Variants in LRRK1 observed in about 807,000 individuals in gnomAD.
LRRK1 encodes the protein leucine-rich repeat serine/threonine-protein kinase 1.
LRRK1 carries 113 observed loss-of-function variants against 209.1 expected under a neutral mutation model. That is an observed-to-expected ratio of 0.54 (90% CI 0.46 to 0.63). The LOEUF (loss-of-function observed/expected upper bound fraction) is 0.63, where lower values mean the gene tolerates loss of function less well. Ranked by LOEUF, LRRK1 falls within the 30% of genes least tolerant of loss-of-function variation. LRRK1 has a pLI of 0.00. For missense variants in LRRK1, 2,284 were observed against 2,632.2 expected, an observed-to-expected ratio of 0.87 and a Z score of 2.89; for synonymous variants, 1,144 against 1,099.7, an observed-to-expected ratio of 1.04 and a Z score of -0.80.
rs1006038244 is a variant in LRRK1, at chr15:101,074,795, C to T, written c.*5947C>T. 8 of 152,106 alleles carry T rather than the reference C, an allele frequency of 5.3e-5. No individual in the cohort carries two copies. The highest frequency in any genetic ancestry group is 1.7e-4 in the African/African-American group (7 of 41,422). 9.4% of individuals were successfully genotyped at this position (152,106 alleles called of 1,614,324 possible). On this transcript the variant is annotated 3_prime_UTR_variant, in exon 34 of 34. Transcript: ENST00000388948. ...CCAGGCATTCCTCCAGAACCTCCTCCCCCAGGAGCTTGCTACAAGTGCCAG... is the reference window on the plus strand; with the variant it reads ...CCAGGCATTCCTCCAGAACCTCCTCTCCCAGGAGCTTGCTACAAGTGCCAG...
chr15:100,982,603 G>A (rs1270444183), intron 3 of LRRK1, among the ~76,000 whole-genome samples: 1 of 152,154 alleles, frequency 6.6e-6, no homozygotes, highest in South Asian at 2.1e-4. Flanking sequence ...CCTTCCTCTG[G>A]GCCACCAAGT....
intron 20 of LRRK1, among the ~76,000 whole-genome samples, chr15:101,029,854 C>T (rs1272700049): frequency 2.0e-5 from 3 of 152,088 alleles, no homozygotes; most frequent in South Asian, 4.1e-4. Flanking sequence ...GGCAACAGAG[C>T]GAGACTCCTT....
In LRRK1 at chr15:101,065,926, T is replaced by C. The variant is rs542657977; in HGVS notation, c.5489T>C (p.Ile1830Thr). Residue 1830 changes from isoleucine (I) to threonine (T), a missense_variant, in exon 32 of 34, where the codon ATC becomes ACC. Ile to Thr is a moderately conservative substitution (Grantham distance 89, BLOSUM62 -1). Coordinates refer to ENST00000388948, the MANE Select transcript of LRRK1 (RefSeq NM_024652.6). ...GAGGAGCTGGGCACGCAGATCCTGA[T>C]CCACCAGGAATCACTCACTGACTAC... is the stretch of plus-strand genomic sequence containing the variant. Reference protein sequence around the residue: ...YSEELGTQILIHQESLTDYCS... With the variant: ...YSEELGTQILTHQESLTDYCS... 5 of 1,614,114 alleles carry C rather than the reference T, an allele frequency of 3.1e-6. No homozygotes were observed. The African/African-American group carries it at 6.7e-5, about 22-fold the overall frequency.
intron 31 of LRRK1, chr15:101,064,693 G>A (rs1003420318): frequency 2.6e-5 from 4 of 152,112 alleles, no homozygotes; most frequent in African/African-American, 5.0e-5. Context: ...CCAGAAGAGG[G>A]TTGAGTAGGA....
chr15:101,043,824 A>C (rs1213416496), intron 20 of LRRK1: 2 of 152,318 alleles, frequency 1.3e-5, no homozygotes, highest in African/African-American at 4.8e-5. Flanking sequence ...ATACATGTAA[A>C]ATATTCAGAC....
chr15:101,058,030 C>G lies in LRRK1; in HGVS notation c.4568C>G (p.Pro1523Arg). Residue 1523 changes from proline (P) to arginine (R), a missense_variant, in exon 29 of 34, where the codon CCG becomes CGG. Coordinates refer to ENST00000388948, the MANE Select transcript of LRRK1 (RefSeq NM_024652.6). ...TCGGTGGTGAGCCAGATGAAGGACC[C>G]GACTTTTGCCACCTTCATGTATGAA... ...ALSVVSQMKDPTFATFMYELC... is the reference protein window; with the variant it reads ...ALSVVSQMKDRTFATFMYELC... The G allele has an allele frequency of 1.2e-6, 2 of 1,614,114 alleles. No homozygotes were observed. Among genetic ancestry groups the G allele is most frequent in the Non-Finnish European group, 1.7e-6 (2 of 1,180,026 alleles).
intron 2 of LRRK1, among the ~76,000 whole-genome samples, chr15:100,954,507 C>T (rs1488576199): frequency 6.6e-6 from 1 of 151,924 alleles, no homozygotes; most frequent in East Asian, 1.9e-4. Context: ...TGATGTAATC[C>T]CATTTGTTTA....
At chr15:100,937,717 A>C (rs1014996569) in intron 2 of LRRK1, among the ~76,000 whole-genome samples, 1 of 148,506 alleles carries the variant, frequency 6.7e-6, no homozygotes, top group African/African-American at 2.5e-5. Context: ...TTGTATTTTT[A>C]GTAGAGACGG....
In LRRK1 at chr15:101,056,948, G is replaced by A; in HGVS notation, c.4425G>A (p.Lys1475=). 6.2e-7 allele frequency: 1 copy of A among 1,614,204 alleles called. No individual in the cohort carries two copies. The change falls in exon 28 of 34, where the codon AAG becomes AAA. Residue 1475 remains lysine (K), a synonymous_variant. Coordinates refer to ENST00000388948, the MANE Select transcript of LRRK1 (RefSeq NM_024652.6). ...ACCACCAGCTCCAGATTGCCAAGAA[G>A]CTGTCCAAGGGCATCCGCCCGGTTC... ...LGHHQLQIAK[K]LSKGIRPVLG...
At position 100,984,020 on chromosome 15, in the gene LRRK1, G is replaced by A. The variant is rs966795367; in HGVS notation, c.433+321G>A. ...GAAAAAATCAATTGGAATGTACGGAGTTCCAGAATTAATGATTTGGAGGTA... is the reference window on the plus strand; with the variant it reads ...GAAAAAATCAATTGGAATGTACGGAATTCCAGAATTAATGATTTGGAGGTA... On this transcript the variant is annotated intron_variant, in intron 4 of 33. Coordinates refer to ENST00000388948, the MANE Select transcript of LRRK1 (RefSeq NM_024652.6). Among the ~76,000 whole-genome samples the A allele has an allele frequency of 2.6e-5, 4 of 152,198 alleles. No individual in the cohort carries two copies. The South Asian group carries it at 8.3e-4, about 32-fold the overall frequency.
intron 7 of LRRK1, among the ~76,000 whole-genome samples, chr15:101,009,306 A>C (rs933195742): frequency 1.3e-4 from 20 of 152,204 alleles, no homozygotes; most frequent in African/African-American, 4.8e-4. Flanking sequence ...TGCTTGCCTG[A>C]GATGCTTGTC....
At chr15:100,949,176 A>T (rs1043113592) in intron 2 of LRRK1, among the ~76,000 whole-genome samples, 1 of 152,174 alleles carries the variant, frequency 6.6e-6, no homozygotes, top group Non-Finnish European at 1.5e-5. Context: ...AATTACCAAG[A>T]TCAGGAATGA....
Position 101,074,798 on chromosome 15 carries a change from C to A in LRRK1, c.*5950C>A, listed in dbSNP as rs1160735186. ...GGCATTCCTCCAGAACCTCCTCCCC[C>A]AGGAGCTTGCTACAAGTGCCAGAAA... On this transcript the variant is annotated 3_prime_UTR_variant, in exon 34 of 34. Transcript: ENST00000388948. The A allele has an allele frequency of 1.3e-5, 2 of 152,100 alleles. No individual in the cohort carries two copies. Among genetic ancestry groups the A allele is most frequent in the East Asian group, 1.9e-4 (1 of 5,170 alleles). 9.4% of individuals were successfully genotyped at this position (152,100 alleles called of 1,614,324 possible).
chr15:101,053,619 G>A (rs898766975), intron 26 of LRRK1, among the ~76,000 whole-genome samples, 199 bp downstream of exon 26: 2 of 152,154 alleles, frequency 1.3e-5, no homozygotes, highest in Non-Finnish European at 2.9e-5. Flanking sequence ...TGGCGAGGAC[G>A]GGGGAGCGCA....
intron 6 of LRRK1, among the ~76,000 whole-genome samples, chr15:100,989,871 T>TC (rs1344608841): frequency 2.6e-5 from 4 of 152,150 alleles, no homozygotes; most frequent in African/African-American, 9.6e-5. Context: ...TTGTTTTTTT[T>TC]CTCTTTTCCT....
chr15:100,928,761 C>T (rs2042158111), intron 2 of LRRK1, among the ~76,000 whole-genome samples: 1 of 152,156 alleles, frequency 6.6e-6, no homozygotes, highest in Non-Finnish European at 1.5e-5. Context: ...GTGACCTCAG[C>T]TCATGTTTGT....
intron 20 of LRRK1, among the ~76,000 whole-genome samples, chr15:101,035,689 T>G (rs954129850): frequency 1.1e-4 from 16 of 152,180 alleles, no homozygotes; most frequent in Non-Finnish European, 1.8e-4. Flanking sequence ...CCTGTCCTAT[T>G]GTTAATTATT....
chr15:100,925,250 G>A (rs2141591807), intron 2 of LRRK1, among the ~76,000 whole-genome samples: 1 of 152,312 alleles, frequency 6.6e-6, no homozygotes, highest in East Asian at 1.9e-4. Flanking sequence ...CCGTCCATCA[G>A]TGACATTTGC....
chr15:101,040,126 G>C (rs921822601), intron 20 of LRRK1, among the ~76,000 whole-genome samples: 2 of 152,056 alleles, frequency 1.3e-5, no homozygotes, highest in Admixed American at 6.6e-5. Context: ...TCAAGATTTT[G>C]TATAAGATTG....
Sources: gnomAD v4.1 joint callset for allele counts (sites outside exome capture counted in the v4.1 genomes callset) on GRCh38, gnomAD v4.1.1 for gene constraint, MANE v1.5 for transcripts, NCBI Gene and HGNC (gene_info 2026-07-23, HGNC 2026-07-21) for gene names.